Variants in YARS1 observed in about 807,000 individuals in gnomAD.
The protein encoded by YARS1 is tyrosyl-tRNA synthetase 1, also known as tyrosine--tRNA ligase, cytoplasmic.
YARS1 carries 36 observed loss-of-function variants against 62.2 expected under a neutral mutation model. The observed-to-expected ratio is 0.58, with a 90% confidence interval of 0.44 to 0.76. YARS1 has a LOEUF of 0.76. Among genes scored for constraint, YARS1 ranks in the 30% least tolerant of loss-of-function variants. The pLI, the probability that YARS1 is intolerant of heterozygous loss-of-function variation, is 0.00. For missense variants in YARS1, 524 were observed against 639.8 expected, an observed-to-expected ratio of 0.82 and a Z score of 1.95; for synonymous variants, 234 against 244.9, an observed-to-expected ratio of 0.96 and a Z score of 0.42.
chr1:32,807,942 C>T (rs1256309598), intron 3 of YARS1, among the ~76,000 whole-genome samples: 1 of 152,108 alleles, frequency 6.6e-6, no homozygotes, highest in Non-Finnish European at 1.5e-5. Context: ...CAGGATCTTG[C>T]TCTGTTGCCC....
At chr1:32,786,827 G>C in intron 7 of YARS1, 113 bp downstream of exon 7, 2 of 1,385,344 alleles carry the variant, frequency 1.4e-6, no homozygotes, top group Non-Finnish European at 2.0e-6. Context: ...TCAGAGCAGA[G>C]AATCAGGGCA....
At chr1:32,804,601 C>T (rs1005578121) in intron 4 of YARS1, among the ~76,000 whole-genome samples, 1 of 151,594 alleles carries the variant, frequency 6.6e-6, no homozygotes, top group African/African-American at 2.4e-5. Flanking sequence ...GACCGGGTCG[C>T]GGCCGGACAG....
chr1:32,789,248 C>G (rs1653335676), intron 6 of YARS1, among the ~76,000 whole-genome samples: 1 of 152,216 alleles, frequency 6.6e-6, no homozygotes, highest in Admixed American at 6.5e-5. Flanking sequence ...CATTGGACAT[C>G]TTTGCAGTCT....
intron 4 of YARS1, among the ~76,000 whole-genome samples, chr1:32,800,613 T>A (rs943456309): frequency 2.0e-5 from 3 of 150,818 alleles, no homozygotes; most frequent in African/African-American, 7.3e-5. Context: ...GGAGATGGAG[T>A]CTTGCACTGT....
At chr1:32,777,362 C>T (rs1652902209) in intron 12 of YARS1, among the ~76,000 whole-genome samples, 1 of 152,042 alleles carries the variant, frequency 6.6e-6, no homozygotes, top group Admixed American at 6.5e-5. Context: ...CCTGTAATCC[C>T]AGCACTTTGG....
chr1:32,778,772 CTT>C (rs1652958547), intron 12 of YARS1, among the ~76,000 whole-genome samples: 1 of 127,090 alleles, frequency 7.9e-6, no homozygotes, highest in East Asian at 2.4e-4. Context: ...GAGTTTCACT[CTT>C]GTTGCCCAGG....
intron 1 of YARS1, among the ~76,000 whole-genome samples, chr1:32,815,106 T>C (rs1638674441): frequency 6.6e-6 from 1 of 152,120 alleles, no homozygotes; most frequent in South Asian, 2.1e-4. Flanking sequence ...CCCAGCACTT[T>C]GGGACGCCGA....
Position 32,791,152 on chromosome 1 carries a change from G to C in YARS1, c.684+10C>G. ...AGATTTCTAAATTCAAGTCTCAGCT[G>C]GCAACTTACCTCTTCTGAAGAGCTC... On this transcript the variant is annotated intron_variant, in intron 6 of 12. Transcript: ENST00000373477. 1 of 1,612,178 alleles carries C rather than the reference G, an allele frequency of 6.2e-7. No individual in the cohort carries two copies.
intron 11 of YARS1, 90 bp from the exon 12 acceptor site, chr1:32,779,613 G>A: frequency 1.3e-6 from 2 of 1,561,606 alleles, no homozygotes; most frequent in South Asian, 1.1e-5. Context: ...TTACACAGGG[G>A]CCCTGATGGG....
At chr1:32,810,486 G>T in intron 3 of YARS1, 105 bp downstream of exon 3, 3 of 1,459,110 alleles carry the variant, frequency 2.1e-6, no homozygotes, top group Non-Finnish European at 2.9e-6. Flanking sequence ...AATAGGTCAC[G>T]CCAGACAGCT....
intron 1 of YARS1, 123 bp from the exon 2 acceptor site, chr1:32,811,180 T>G: frequency 7.0e-7 from 1 of 1,431,870 alleles, no homozygotes; most frequent in Admixed American, 1.7e-5. Context: ...ATCAAGGAGG[T>G]CCAGCCATGT....
At chr1:32,792,285 A>C (rs1653434203) in intron 5 of YARS1, among the ~76,000 whole-genome samples, 1 of 152,202 alleles carries the variant, frequency 6.6e-6, no homozygotes, top group Admixed American at 6.5e-5. Context: ...TCTAGGAACA[A>C]GGACCACACC....
At chr1:32,778,629 G>A (rs192207399) in intron 12 of YARS1, among the ~76,000 whole-genome samples, 13 of 150,504 alleles carry the variant, frequency 8.6e-5, no homozygotes, top group Non-Finnish European at 1.6e-4. Flanking sequence ...GAATGCTCTC[G>A]ATCTCCTGAC....
At chr1:32,777,691 C>A (rs1056732917) in intron 12 of YARS1, among the ~76,000 whole-genome samples, 1 of 152,162 alleles carries the variant, frequency 6.6e-6, no homozygotes, top group African/African-American at 2.4e-5. Flanking sequence ...CTTTGCAAGG[C>A]TGAGGCGGGA....
chr1:32,778,852 C>A (rs1652963336), intron 12 of YARS1, among the ~76,000 whole-genome samples: 1 of 151,136 alleles, frequency 6.6e-6, no homozygotes, highest in African/African-American at 2.4e-5. Context: ...GATTCTCCTG[C>A]CTCAGCCTCC....
intron 9 of YARS1, 97 bp from the exon 10 acceptor site, chr1:32,781,242 A>G (rs1653046086): frequency 6.9e-6 from 7 of 1,015,776 alleles, no homozygotes; most frequent in South Asian, 1.3e-5. Context: ...GGTAAGATTT[A>G]GTGTAGAATC....
chr1:32,788,517 G>A (rs1364297494), intron 6 of YARS1, among the ~76,000 whole-genome samples: 3 of 152,094 alleles, frequency 2.0e-5, no homozygotes, highest in East Asian at 1.9e-4. Flanking sequence ...CTCAACCTCC[G>A]CCTCCTGGGT....
chr1:32,810,650 G>C lies in YARS1; in HGVS notation c.321C>G (p.Ser107Arg). 6.2e-7 allele frequency: 1 copy of C among 1,613,930 alleles called. No individual in the cohort carries two copies. The change falls in exon 3 of 13, where the codon AGC becomes AGG. Residue 107 changes from serine to arginine, a missense_variant. Transcript: ENST00000373477. ...TGAGCTTCTCCAAGGGCACACCAAT[G>C]CTCTCCAGCATTGCTTTGATCACAT... ...YENVIKAMLE[S>R]IGVPLEKLKF...
chr1:32,809,135 G>A (rs1228186385), intron 3 of YARS1, among the ~76,000 whole-genome samples: 1 of 151,180 alleles, frequency 6.6e-6, no homozygotes, highest in Non-Finnish European at 1.5e-5. Flanking sequence ...TGCCCAGGCT[G>A]GAGTGCAGTG....
Sources: allele counts gnomAD v4.1 joint callset (sites outside exome capture counted in the v4.1 genomes callset), GRCh38; gene constraint gnomAD v4.1.1; transcripts MANE v1.5; gene names NCBI Gene and HGNC (gene_info 2026-07-23, HGNC 2026-07-21).